The following DUSP12 variants were observed in gnomAD, a reference collection of about 807,000 sequenced individuals.
DUSP12 encodes the protein dual specificity phosphatase 12.
In DUSP12, 25 loss-of-function variants were observed where a neutral mutation model predicts 38.9. That is an observed-to-expected ratio of 0.64 (90% CI 0.47 to 0.90). DUSP12 has a LOEUF of 0.90. Among genes scored for constraint, DUSP12 ranks in the 40% least tolerant of loss-of-function variants. The pLI, the probability that DUSP12 is intolerant of heterozygous loss-of-function variation, is 0.00. For missense variants in DUSP12, 403 were observed against 427.0 expected (o/e 0.94, Z 0.50); for synonymous variants, 153 against 153.9 (o/e 0.99, Z 0.05).
Position 161,757,108 on chromosome 1 carries a change from C to T in DUSP12, c.*161C>T, listed in dbSNP as rs1571103547. The T allele has an allele frequency of 3.3e-6, 2 of 613,420 alleles. No homozygotes were observed. Among genetic ancestry groups the T allele is most frequent in the Middle Eastern group, 4.5e-4 (1 of 2,210 alleles). The allele number at this position is 613,420 out of a possible 1,614,324, so 38.0% of individuals were successfully genotyped here. A position where few individuals can be genotyped will look rare whatever the true frequency, so the allele number is the denominator to read the frequency against. The stretch of plus-strand genomic sequence containing the variant: ...TGGAAACTATGCTTTACATGGCAAT[C>T]AAAGCCTTTTGATCATGTACATTTT... On this transcript the variant is annotated 3_prime_UTR_variant, in exon 6 of 6. Coordinates refer to ENST00000367943, the MANE Select transcript of DUSP12 (RefSeq NM_007240.3).
intron 5 of DUSP12, among the ~76,000 whole-genome samples, chr1:161,755,444 A>G (rs61801239): frequency 0.035 from 5,307 of 152,254 alleles, 120 homozygotes; most frequent in Non-Finnish European, 0.056. Context: ...TGCCCATACA[A>G]ATTTGGTTTT....
At chr1:161,753,384 T>G (rs1684058207) in intron 5 of DUSP12, 123 bp downstream of exon 5, 1 of 868,440 alleles carries the variant, frequency 1.2e-6, no homozygotes, top group Non-Finnish European at 1.6e-6. Flanking sequence ...TTTCTGAAGA[T>G]TATATCTTTC....
chr1:161,754,808 A>G (rs1030390841), intron 5 of DUSP12, among the ~76,000 whole-genome samples: 2 of 152,182 alleles, frequency 1.3e-5, no homozygotes, highest in South Asian at 4.1e-4. Flanking sequence ...ACCGTATCAC[A>G]TCACAATTCA....
intron 5 of DUSP12, among the ~76,000 whole-genome samples, chr1:161,756,001 A>G (rs1476495974): frequency 6.6e-6 from 1 of 152,080 alleles, no homozygotes; most frequent in Non-Finnish European, 1.5e-5. Context: ...GATTACAGGC[A>G]TCCGCCACCA....
At chr1:161,756,085 A>C (rs746047486) in intron 5 of DUSP12, among the ~76,000 whole-genome samples, 1 of 152,080 alleles carries the variant, frequency 6.6e-6, no homozygotes, top group South Asian at 2.1e-4. Context: ...CAAACTCCTG[A>C]CCTCAGGTGA....
intron 5 of DUSP12, among the ~76,000 whole-genome samples, chr1:161,754,825 C>T (rs1684085861): frequency 6.6e-6 from 1 of 152,032 alleles, no homozygotes; most frequent in African/African-American, 2.4e-5. Flanking sequence ...TTCACATTCC[C>T]ACTCTTCCCA....
In DUSP12 at chr1:161,752,345, T is replaced by C. The variant is rs769246707; in HGVS notation, c.578-23T>C. On this transcript the variant is annotated intron_variant, in intron 3 of 5. Transcript: ENST00000367943. ...TGCAGAGTTGATTTTGACAAATAAA[T>C]ACATTTTAATTATGTCATATAGAAT... is the stretch of plus-strand genomic sequence containing the variant. 4 of 1,514,834 alleles carry C rather than the reference T, an allele frequency of 2.6e-6. No homozygotes were observed. In the East Asian group the frequency reaches 9.1e-5, roughly 34 times the overall value. 93.8% of individuals were successfully genotyped at this position (1,514,834 alleles called of 1,614,324 possible). A position where few individuals can be genotyped will look rare whatever the true frequency, so the allele number is the denominator to read the frequency against.
At position 161,753,100 on chromosome 1, in the gene DUSP12, A is replaced by T; in HGVS notation, c.700A>T (p.Ile234Phe). The T allele has an allele frequency of 1.2e-6, 2 of 1,609,734 alleles. No homozygotes were observed. The highest frequency in any genetic ancestry group is 1.7e-6 in the Non-Finnish European group (2 of 1,178,370). The part of the protein sequence containing the change: ...CRRSLFRSSS[I>F]LDHREGSGPI... Reference sequence around the variant, plus strand: ...GCGATCATTATTTCGAAGTTCTAGTATTCTGGATCACCGTGAAGGAAGTGG... The same window carrying T: ...GCGATCATTATTTCGAAGTTCTAGTTTTCTGGATCACCGTGAAGGAAGTGG... Residue 234 changes from isoleucine to phenylalanine, a missense_variant, in exon 5 of 6, where the codon ATT becomes TTT. Physicochemically the swap from Ile to Phe is conservative, Grantham distance 21 (BLOSUM62 0). Coordinates refer to ENST00000367943, the MANE Select transcript of DUSP12 (RefSeq NM_007240.3).
rs979758154 is a variant in DUSP12 at position 161,757,181 on chromosome 1, T to C, written c.*234T>C. ...AACCAGATACTGTCTGTGTTTCATA[T>C]ATTTTTAAAAGTTTTGATTGTTGGA... On this transcript the variant is annotated 3_prime_UTR_variant, in exon 6 of 6. Coordinates refer to ENST00000367943, the MANE Select transcript of DUSP12 (RefSeq NM_007240.3). The C allele has an allele frequency of 6.0e-5, 20 of 333,718 alleles. No individual in the cohort carries two copies. Among genetic ancestry groups the C allele is most frequent in the Non-Finnish European group, 7.6e-5 (14 of 183,194 alleles). 20.7% of individuals were successfully genotyped at this position (333,718 alleles called of 1,614,324 possible).
At position 161,756,976 on chromosome 1, in the gene DUSP12, C is replaced by T; in HGVS notation, c.*29C>T. 2 of 1,601,130 alleles carry T rather than the reference C, an allele frequency of 1.2e-6. No individual in the cohort carries two copies. Among genetic ancestry groups the T allele is most frequent in the African/African-American group, 2.7e-5 (2 of 74,814 alleles). Reference sequence around the variant, plus strand: ...TGATATTTTATAGCTTGGGAAGAAACTTGCAGATGATATGTGCTGCCTTTG... The same window carrying T: ...TGATATTTTATAGCTTGGGAAGAAATTTGCAGATGATATGTGCTGCCTTTG... On this transcript the variant is annotated 3_prime_UTR_variant, in exon 6 of 6. Coordinates refer to ENST00000367943, the MANE Select transcript of DUSP12 (RefSeq NM_007240.3).
chr1:161,752,520 C>T (rs1684041720), intron 4 of DUSP12, 56 bp downstream of exon 4: 2 of 1,165,376 alleles, frequency 1.7e-6, no homozygotes, highest in African/African-American at 1.6e-5. Flanking sequence ...CTGAAAAGTA[C>T]TTAATGTTTT....
chr1:161,756,812 G>C lies in DUSP12; in HGVS notation c.888G>C (p.Lys296Asn), dbSNP rs1684116861. The change falls in exon 6 of 6, where the codon AAG becomes AAC. Residue 296 changes from lysine to asparagine, a missense_variant. Coordinates refer to ENST00000367943, the MANE Select transcript of DUSP12 (RefSeq NM_007240.3). The stretch of plus-strand genomic sequence containing the variant: ...TTCTTTGCCCAAAATGCAGTGCCAA[G>C]TTGGGTTCCTTCAACTGGTATGGTG... Reference protein sequence around the residue: ...GQLLCPKCSAKLGSFNWYGEQ... With the variant: ...GQLLCPKCSANLGSFNWYGEQ... 1.2e-6 allele frequency: 2 copies of C among 1,612,482 alleles called. No homozygotes were observed. Among genetic ancestry groups the C allele is most frequent in the African/African-American group, 1.3e-5 (1 of 74,910 alleles).
At chr1:161,756,520 T>C (rs1476184713) in intron 5 of DUSP12, among the ~76,000 whole-genome samples, 1 of 133,024 alleles carries the variant, frequency 7.5e-6, no homozygotes, top group African/African-American at 2.9e-5. Context: ...TATATATATA[T>C]GCCACATCCA....
chr1:161,752,979 G>T, intron 4 of DUSP12, 96 bp from the exon 5 acceptor site: 1 of 1,208,528 alleles, frequency 8.3e-7, no homozygotes. Flanking sequence ...GACAGAGTGA[G>T]ACTCTGTCTC....
chr1:161,755,801 TA>T (rs2101697110), intron 5 of DUSP12, among the ~76,000 whole-genome samples: 1 of 152,358 alleles, frequency 6.6e-6, no homozygotes, highest in Admixed American at 6.5e-5. Context: ...TGTTTTGTCA[TA>T]TTAAAATGAA....
Position 161,751,782 on chromosome 1 carries a change from G to A in DUSP12, c.458+1G>A. The stretch of plus-strand genomic sequence containing the variant: ...TCCAGATTCTCAAACCAGAGGCTAA[G>A]TGGGTTCTTTTTTTATAGTAATAAT... On this transcript the variant is annotated splice_donor_variant, in intron 2 of 5. Coordinates refer to ENST00000367943, the MANE Select transcript of DUSP12 (RefSeq NM_007240.3). LOFTEE classifies it high-confidence loss of function. 6.2e-6 allele frequency: 10 copies of A among 1,606,496 alleles called. No homozygotes were observed. Among genetic ancestry groups the A allele is most frequent in the Non-Finnish European group, 8.5e-6 (10 of 1,178,126 alleles).
In DUSP12 at chr1:161,750,124, G is replaced by T; in HGVS notation, c.323G>T (p.Gly108Val). 6.2e-7 allele frequency: 1 copy of T among 1,613,586 alleles called. No homozygotes were observed. The highest frequency in any genetic ancestry group is 8.5e-7 in the Non-Finnish European group (1 of 1,179,878). The change falls in exon 1 of 6, where the codon GGC becomes GTC. Residue 108 changes from glycine to valine, a missense_variant. By Grantham distance (109) the Gly-to-Val change is moderately radical (BLOSUM62 -3). Transcript: ENST00000367943. ...VAFIGQARAE[G>V]RAVLVHCHAG... The stretch of plus-strand genomic sequence containing the variant: ...TTCATCGGTCAGGCCCGCGCTGAGG[G>T]CCGTGCGGTGTTGGTGCACTGGTGA...
chr1:161,756,840 C>T lies in DUSP12; in HGVS notation c.916C>T (p.Gln306Ter). 1.2e-6 allele frequency: 2 copies of T among 1,613,588 alleles called. No individual in the cohort carries two copies. Among genetic ancestry groups the T allele is most frequent in the Non-Finnish European group, 1.7e-6 (2 of 1,179,622 alleles). ...GGGTTCCTTCAACTGGTATGGTGAA[C>T]AGTGCTCTTGTGGTAGGTGGATAAC... ...KLGSFNWYGEQCSCGRWITPA... is the reference protein window; with the variant it reads ...KLGSFNWYGE Residue 306 changes from glutamine (Q) to a stop codon, truncating the protein, a stop_gained, in exon 6 of 6, where the codon CAG becomes TAG. Coordinates refer to ENST00000367943, the MANE Select transcript of DUSP12 (RefSeq NM_007240.3). LOFTEE classifies it high-confidence loss of function.
At chr1:161,756,312 AT>A (rs949954645) in intron 5 of DUSP12, among the ~76,000 whole-genome samples, 33 of 151,922 alleles carry the variant, frequency 2.2e-4, no homozygotes, top group African/African-American at 8.0e-4. Context: ...GGCTTTTTTG[AT>A]TTACCTATTT....
Sources: allele counts gnomAD v4.1 joint callset (sites outside exome capture counted in the v4.1 genomes callset), GRCh38; gene constraint gnomAD v4.1.1; transcripts MANE v1.5; gene names NCBI Gene and HGNC (gene_info 2026-07-23, HGNC 2026-07-21).